KCNIP1: variants seen among roughly 807,000 people sequenced by gnomAD.
The protein encoded by KCNIP1 is potassium voltage-gated channel interacting protein 1, also known as A-type potassium channel modulatory protein KCNIP1.
Under a neutral mutation model 33.0 loss-of-function variants are expected in KCNIP1, and 18 were observed. The ratio of observed to expected loss-of-function variants is 0.55; its 90% CI spans 0.38 to 0.81. The LOEUF is 0.81. KCNIP1 is among the 30% of genes least tolerant of loss of function. KCNIP1 has a pLI of 0.00. For missense variants in KCNIP1, 238 were observed against 271.6 expected (o/e 0.88, Z 0.87); for synonymous variants, 93 against 98.3 (o/e 0.95, Z 0.32).
chr5:170,612,193 A>G (rs955086540), intron 1 of KCNIP1, among the ~76,000 whole-genome samples: 7 of 152,338 alleles, frequency 4.6e-5, no homozygotes, highest in African/African-American at 1.7e-4. Context: ...GCTTGCACGC[A>G]CGAGGGGCCA....
chr5:170,414,704 T>A (rs1755281916), intron 1 of KCNIP1, among the ~76,000 whole-genome samples: 1 of 152,256 alleles, frequency 6.6e-6, no homozygotes, highest in African/African-American at 2.4e-5. Flanking sequence ...ATTGAATGGA[T>A]CCAAGTTTCA....
intron 1 of KCNIP1, among the ~76,000 whole-genome samples, chr5:170,508,910 C>G (rs1357602328): frequency 6.6e-6 from 1 of 152,100 alleles, no homozygotes; most frequent in Non-Finnish European, 1.5e-5. Context: ...AGGTGTTAAC[C>G]CCCTTTCCCC....
chr5:170,446,317 G>T (rs1443981686), intron 1 of KCNIP1, among the ~76,000 whole-genome samples: 1 of 152,060 alleles, frequency 6.6e-6, no homozygotes, highest in Admixed American at 6.6e-5. Flanking sequence ...CTCTTACATA[G>T]GCTATGTGAA....
At chr5:170,509,908 T>C (rs1036371288) in intron 1 of KCNIP1, among the ~76,000 whole-genome samples, 2 of 152,246 alleles carry the variant, frequency 1.3e-5, no homozygotes, top group Admixed American at 6.5e-5. Context: ...CTCACAGTGA[T>C]TCCCCTTGTC....
intron 1 of KCNIP1, among the ~76,000 whole-genome samples, chr5:170,517,478 A>G (rs1269645510): frequency 6.6e-6 from 1 of 152,166 alleles, no homozygotes; most frequent in Middle Eastern, 3.2e-3. Context: ...TAGGGGCTTC[A>G]TGGCAATAAT....
At chr5:170,375,820 A>T (rs1216068850) in intron 1 of KCNIP1, 1 of 152,242 alleles carries the variant, frequency 6.6e-6, no homozygotes, top group African/African-American at 2.4e-5. Context: ...AATTTGTTTC[A>T]TGCCAAAACT....
At chr5:170,487,438 A>C (rs1208503546) in intron 1 of KCNIP1, among the ~76,000 whole-genome samples, 1 of 152,206 alleles carries the variant, frequency 6.6e-6, no homozygotes, top group African/African-American at 2.4e-5. Context: ...ATACCGTAGC[A>C]TAAAATGAAC....
rs569223950 is a variant in KCNIP1, at chr5:170,548,327, T to C, written c.61+43694T>C. On this transcript the variant is annotated intron_variant, in intron 1 of 7. Coordinates refer to ENST00000328939, the MANE Select transcript of KCNIP1 (RefSeq NM_014592.4). ...AATAATCAGATTCTGCTATCTCTTTTTCCTGCAAGCCTTATCTCACAGTAC... is the reference window on the plus strand; with the variant it reads ...AATAATCAGATTCTGCTATCTCTTTCTCCTGCAAGCCTTATCTCACAGTAC... 3.9e-5 allele frequency among the ~76,000 whole-genome samples: 6 copies of C among 152,350 alleles called. No individual in the cohort carries two copies. The South Asian group carries it at 1.2e-3, about 32-fold the overall frequency.
At chr5:170,571,439 T>C (rs533595387) in intron 1 of KCNIP1, among the ~76,000 whole-genome samples, 2 of 152,354 alleles carry the variant, frequency 1.3e-5, no homozygotes, top group Non-Finnish European at 2.9e-5. Context: ...TTTCCCCAAC[T>C]GGAGCAACTT....
At chr5:170,444,852 G>A (rs983375735) in intron 1 of KCNIP1, among the ~76,000 whole-genome samples, 1 of 152,102 alleles carries the variant, frequency 6.6e-6, no homozygotes, top group Admixed American at 6.5e-5. Flanking sequence ...GGCTCCAGAT[G>A]CAGTGGCCTG....
intron 1 of KCNIP1, among the ~76,000 whole-genome samples, chr5:170,676,028 T>C (rs1297388616): frequency 7.4e-6 from 1 of 134,576 alleles, no homozygotes; most frequent in African/African-American, 2.6e-5. Context: ...ACTGTGAATA[T>C]CTAAGAAAAG....
intron 1 of KCNIP1, among the ~76,000 whole-genome samples, chr5:170,562,150 C>T (rs140379427): frequency 9.1e-4 from 139 of 152,244 alleles, no homozygotes; most frequent in African/African-American, 2.5e-3. Flanking sequence ...AAGAGGCAGC[C>T]GGCCCACCCT....
At chr5:170,465,598 T>G (rs980738133) in intron 1 of KCNIP1, among the ~76,000 whole-genome samples, 1 of 152,090 alleles carries the variant, frequency 6.6e-6, no homozygotes, top group African/African-American at 2.4e-5. Flanking sequence ...GACAGTCCAC[T>G]GGTGGAGTCA....
At chr5:170,527,366 C>A (rs1430408355) in intron 1 of KCNIP1, among the ~76,000 whole-genome samples, 4 of 152,064 alleles carry the variant, frequency 2.6e-5, no homozygotes, top group Non-Finnish European at 4.4e-5. Flanking sequence ...AGGGTACTGG[C>A]CCAGTAGAAA....
chr5:170,664,482 T>C (rs1398710028), intron 1 of KCNIP1, among the ~76,000 whole-genome samples: 1 of 152,108 alleles, frequency 6.6e-6, no homozygotes, highest in African/African-American at 2.4e-5. Flanking sequence ...TTCTGTACCC[T>C]CAGTATTTAG....
At chr5:170,704,619 TG>T (rs1445292704) in intron 1 of KCNIP1, among the ~76,000 whole-genome samples, 1 of 151,930 alleles carries the variant, frequency 6.6e-6, no homozygotes, top group African/African-American at 2.4e-5. Context: ...AGCAGGAAGG[TG>T]GGGGGTTGTT....
At chr5:170,613,464 C>G (rs1206822589) in intron 1 of KCNIP1, among the ~76,000 whole-genome samples, 16 of 152,154 alleles carry the variant, frequency 1.1e-4, no homozygotes, top group Admixed American at 9.8e-4. Flanking sequence ...ATGCCCCCTA[C>G]TTGAAAGATT....
rs140722325 is a variant in KCNIP1, at chr5:170,735,916, AC to A, written c.*112del. On this transcript the variant is annotated 3_prime_UTR_variant, in exon 8 of 8. Transcript: ENST00000328939. ...ACACACCAACTCTTGGGACAGAAAC[AC>A]CTTTTACACTTTGGAAGAATTCTCT... 2.2e-3 allele frequency: 1,975 copies of A among 915,444 alleles called. 5 individuals carry two copies. The highest frequency in any genetic ancestry group is 2.7e-3 in the Non-Finnish European group (1,576 of 573,996). 56.7% of individuals were successfully genotyped at this position (915,444 alleles called of 1,614,324 possible).
chr5:170,507,485 T>C (rs983727712), intron 1 of KCNIP1, among the ~76,000 whole-genome samples: 11 of 152,174 alleles, frequency 7.2e-5, no homozygotes, highest in Admixed American at 5.9e-4. Flanking sequence ...AAGTAGGCAG[T>C]ACATCTGAGA....
Sources: allele counts gnomAD v4.1 joint callset (sites outside exome capture counted in the v4.1 genomes callset), GRCh38; gene constraint gnomAD v4.1.1; transcripts MANE v1.5; gene names NCBI Gene and HGNC (gene_info 2026-07-23, HGNC 2026-07-21).